CNTNAP2: variants seen among roughly 807,000 people sequenced by gnomAD.
CNTNAP2 encodes contactin associated protein 2.
In CNTNAP2, 98 loss-of-function variants were observed where a neutral mutation model predicts 155.2. The observed-to-expected ratio is 0.63, with a 90% CI of 0.54 to 0.75. The LOEUF (loss-of-function observed/expected upper bound fraction) is 0.75. CNTNAP2 is among the 30% of genes least tolerant of loss of function. The pLI is 0.00. For synonymous variants in CNTNAP2, 651 were observed against 631.2 expected (o/e 1.03, Z -0.47); for missense variants, 1,727 against 1,688.1 (o/e 1.02, Z -0.40).
chr7:146,940,696 TACACAC>T lies in CNTNAP2; in HGVS notation c.402+100808_402+100813del, dbSNP rs112623198. On this transcript the variant is annotated intron_variant, in intron 3 of 23. Coordinates refer to ENST00000361727, the MANE Select transcript of CNTNAP2 (RefSeq NM_014141.6). ...CATTAGTGTAGTAAATATATATATA[TACACAC>T]ACACACACACACACAATATGGTGTG... Among the ~76,000 whole-genome samples the T allele has an allele frequency of 1.5e-4, 23 of 149,094 alleles. No homozygotes were observed. The South Asian group carries it at 4.7e-3, about 30-fold the overall frequency.
intron 18 of CNTNAP2, among the ~76,000 whole-genome samples, chr7:148,209,901 T>G (rs1585189410): frequency 6.6e-6 from 1 of 152,160 alleles, no homozygotes; most frequent in African/African-American, 2.4e-5. Flanking sequence ...TCCTCGACAT[T>G]CTCTTCTTCC....
chr7:147,229,787 A>G (rs909628725), intron 8 of CNTNAP2, among the ~76,000 whole-genome samples: 1 of 152,228 alleles, frequency 6.6e-6, no homozygotes, highest in Admixed American at 6.5e-5. Flanking sequence ...TAACAAATAC[A>G]TATTATAACT....
chr7:146,134,235 G>T (rs1445427306), intron 1 of CNTNAP2, among the ~76,000 whole-genome samples: 1 of 151,548 alleles, frequency 6.6e-6, no homozygotes, highest in Non-Finnish European at 1.5e-5. Context: ...GTATAAGAAT[G>T]CTTGTGATTT....
chr7:146,189,774 A>G (rs928087678), intron 1 of CNTNAP2, among the ~76,000 whole-genome samples: 4 of 152,176 alleles, frequency 2.6e-5, no homozygotes, highest in African/African-American at 9.7e-5. Context: ...CAACATTCAG[A>G]TGTGATTCTT....
intron 8 of CNTNAP2, among the ~76,000 whole-genome samples, chr7:147,153,275 C>T (rs1405143217): frequency 6.6e-6 from 1 of 151,884 alleles, no homozygotes; most frequent in Non-Finnish European, 1.5e-5. Flanking sequence ...CTATAGAGAG[C>T]TTAAACTGTT....
At chr7:147,921,275 C>T (rs1053573002) in intron 14 of CNTNAP2, among the ~76,000 whole-genome samples, 1 of 152,200 alleles carries the variant, frequency 6.6e-6, no homozygotes, top group Non-Finnish European at 1.5e-5. Context: ...CTGTCCACAC[C>T]GTACTTAATT....
intron 12 of CNTNAP2, among the ~76,000 whole-genome samples, chr7:147,588,896 G>T (rs903569595): frequency 1.3e-5 from 2 of 152,120 alleles, no homozygotes; most frequent in African/African-American, 4.8e-5. Context: ...TAATTGTAGG[G>T]ACCACGAAAA....
rs570584056 is a variant in CNTNAP2, at chr7:146,951,474, A to C, written c.403-92433A>C. On this transcript the variant is annotated intron_variant, in intron 3 of 23. Coordinates refer to ENST00000361727, the MANE Select transcript of CNTNAP2 (RefSeq NM_014141.6). ...TCCATCTTGAGTTAATTTTTGTATA[A>C]GGTGTGAGGAAGGGGTCCAGTTTCG... Among the ~76,000 whole-genome samples, 289 of 152,190 alleles carry C rather than the reference A, an allele frequency of 1.9e-3. 3 individuals are homozygous for C. The highest frequency in any genetic ancestry group is 6.2e-3 in the African/African-American group (256 of 41,500).
At chr7:147,153,844 T>G (rs7799140) in intron 8 of CNTNAP2, among the ~76,000 whole-genome samples, 89,985 of 151,968 alleles carry the variant, frequency 0.59, 26,770 homozygotes, top group Middle Eastern at 0.71. Flanking sequence ...TCAAATCCAG[T>G]AATAGAAACA....
chr7:147,560,168 C>CAAAAAAAAAAAAAAAAAAA lies in CNTNAP2; in HGVS notation c.1778-1965_1778-1947dup, dbSNP rs71183016. ...GGGCAACAAGAACGAAACTCCGTCT[C>CAAAAAAAAAAAAAAAAAAA]AAAAAAAAAAAAAAAAAAAAAAATT... On this transcript the variant is annotated intron_variant, in intron 11 of 23. Transcript: ENST00000361727. 6.1e-3 allele frequency among the ~76,000 whole-genome samples: 323 copies of CAAAAAAAAAAAAAAAAAAA among 52,772 alleles called. 28 individuals are homozygous for CAAAAAAAAAAAAAAAAAAA. Among genetic ancestry groups the CAAAAAAAAAAAAAAAAAAA allele is most frequent in the East Asian group, 9.7e-3 (10 of 1,036 alleles). The allele number at this position is 52,772 out of a possible 152,430, so 34.6% of individuals were successfully genotyped here.
At chr7:147,244,001 T>C (rs1425437356) in intron 8 of CNTNAP2, among the ~76,000 whole-genome samples, 1 of 152,200 alleles carries the variant, frequency 6.6e-6, no homozygotes, top group Non-Finnish European at 1.5e-5. Flanking sequence ...TTACACATAA[T>C]CAGTCTGACT....
At chr7:147,747,532 A>T (rs192274793) in intron 13 of CNTNAP2, among the ~76,000 whole-genome samples, 13 of 152,222 alleles carry the variant, frequency 8.5e-5, no homozygotes, top group Non-Finnish European at 1.6e-4. Context: ...TATCTTTGCT[A>T]TTGTGAACAG....
rs369352704 is a variant in CNTNAP2 at position 147,346,203 on chromosome 7, G to A, written c.1498+45913G>A. 4.2e-4 allele frequency among the ~76,000 whole-genome samples: 62 copies of A among 147,190 alleles called. 1 individual carries two copies. In the East Asian group the frequency reaches 7.6e-3, roughly 18 times the overall value. On this transcript the variant is annotated intron_variant, in intron 9 of 23. Coordinates refer to ENST00000361727, the MANE Select transcript of CNTNAP2 (RefSeq NM_014141.6). ...CGCTCTGTCGTCCAGGCCGGACTGC[G>A]GACTGCAGTGGCGCAATCTCGGCTC... is the stretch of plus-strand genomic sequence containing the variant.
At chr7:147,571,355 G>A (rs2190005) in intron 12 of CNTNAP2, among the ~76,000 whole-genome samples, 66,204 of 145,230 alleles carry the variant, frequency 0.46, 14,901 homozygotes, top group East Asian at 0.61. Flanking sequence ...CCCATCTGAT[G>A]AGTTCATTTT....
chr7:146,981,380 C>A (rs1231881927), intron 3 of CNTNAP2, among the ~76,000 whole-genome samples: 1 of 152,134 alleles, frequency 6.6e-6, no homozygotes, highest in African/African-American at 2.4e-5. Context: ...ACTAACCCAG[C>A]AAAAATATAA....
chr7:147,319,831 A>T lies in CNTNAP2; in HGVS notation c.1498+19541A>T, dbSNP rs190812717. 6.2e-4 allele frequency among the ~76,000 whole-genome samples: 94 copies of T among 152,334 alleles called. No homozygotes were observed. The Middle Eastern group carries it at 0.01, about 17-fold the overall frequency. On this transcript the variant is annotated intron_variant, in intron 9 of 23. Transcript: ENST00000361727. ...ACTTAGTAACGATTTAAACTGGATG[A>T]AGGGGCTGGTATGGCATTTTGTGGT...
intron 8 of CNTNAP2, among the ~76,000 whole-genome samples, chr7:147,232,740 C>T (rs1027388557): frequency 6.6e-6 from 1 of 152,030 alleles, no homozygotes; most frequent in African/African-American, 2.4e-5. Context: ...TAGAAAAAAA[C>T]GTAGGGGGAA....
chr7:147,648,109 C>T (rs944764240), intron 13 of CNTNAP2, among the ~76,000 whole-genome samples: 1 of 151,984 alleles, frequency 6.6e-6, no homozygotes, highest in Non-Finnish European at 1.5e-5. Context: ...GATGACAAAG[C>T]AAGAGTAGGG....
At chr7:147,517,405 G>C (rs1799147254) in intron 11 of CNTNAP2, among the ~76,000 whole-genome samples, 1 of 152,184 alleles carries the variant, frequency 6.6e-6, no homozygotes. Flanking sequence ...GTGCTAAAAG[G>C]ATGGGGTGAA....
Sources: allele counts gnomAD v4.1 joint callset (sites outside exome capture counted in the v4.1 genomes callset), GRCh38; gene constraint gnomAD v4.1.1; transcripts MANE v1.5; gene names NCBI Gene and HGNC (gene_info 2026-07-23, HGNC 2026-07-21).